SNTB2: variants seen among roughly 807,000 people sequenced by gnomAD.
SNTB2 encodes the protein syntrophin beta 2.
SNTB2 carries 34 observed loss-of-function variants against 46.2 expected under a neutral mutation model. The ratio of observed to expected loss-of-function variants is 0.74; its 90% CI spans 0.56 to 0.98. The LOEUF is 0.98. SNTB2 is among the 50% of genes least tolerant of loss of function. The pLI is 0.00. For synonymous variants in SNTB2, 290 were observed against 312.6 expected (o/e 0.93, Z 0.76); for missense variants, 603 against 731.4 (o/e 0.82, Z 2.02).
chr16:69,200,213 TG>T (rs1276158317), intron 1 of SNTB2, among the ~76,000 whole-genome samples: 1 of 152,210 alleles, frequency 6.6e-6, no homozygotes, highest in East Asian at 1.9e-4. Context: ...TACTTATTTG[TG>T]TTGGCCATTG....
intron 1 of SNTB2, among the ~76,000 whole-genome samples, chr16:69,192,385 C>T (rs569061378): frequency 6.6e-6 from 1 of 152,352 alleles, no homozygotes; most frequent in South Asian, 2.1e-4. Flanking sequence ...TACAGAGAAT[C>T]TTCTGCAGTG....
intron 1 of SNTB2, among the ~76,000 whole-genome samples, chr16:69,195,544 C>T (rs765873886): frequency 1.1e-4 from 16 of 151,738 alleles, no homozygotes; most frequent in East Asian, 3.9e-4. Context: ...CTCCTGAGAC[C>T]GGGGGTGGAT....
intron 2 of SNTB2, among the ~76,000 whole-genome samples, chr16:69,247,603 G>T (rs1388129758): frequency 1.3e-5 from 2 of 152,082 alleles, no homozygotes; most frequent in African/African-American, 4.8e-5. Context: ...AATGAACTGA[G>T]CTCTGCAGTC....
rs959771119 is a variant in SNTB2, at chr16:69,277,734, G to A, written c.1149-6314G>A. 8.5e-5 allele frequency among the ~76,000 whole-genome samples: 13 copies of A among 152,276 alleles called. No homozygotes were observed. In the East Asian group the frequency reaches 1.9e-3, roughly 23 times the overall value. On this transcript the variant is annotated intron_variant, in intron 4 of 6. Coordinates refer to ENST00000336278, the MANE Select transcript of SNTB2 (RefSeq NM_006750.4). ...AGCTATTTTTAAGCTAGACATTAAA[G>A]AGATTTTATTTATTTCTCTTTGATG...
At chr16:69,255,112 T>A (rs1361756082) in intron 2 of SNTB2, among the ~76,000 whole-genome samples, 1 of 152,084 alleles carries the variant, frequency 6.6e-6, no homozygotes, top group African/African-American at 2.4e-5. Flanking sequence ...TTATTTATTT[T>A]TTAGAGACAG....
chr16:69,300,697 G>A (rs144888943), intron 6 of SNTB2, 135 bp from the exon 7 acceptor site: 297 of 637,140 alleles, frequency 4.7e-4, no homozygotes, highest in African/African-American at 4.6e-3. Context: ...ACTTTTGCCT[G>A]TGGCTTTAAG....
At chr16:69,219,210 T>A (rs868742137) in intron 1 of SNTB2, among the ~76,000 whole-genome samples, 1 of 152,302 alleles carries the variant, frequency 6.6e-6, no homozygotes, top group South Asian at 2.1e-4. Flanking sequence ...TAGCCATAAA[T>A]ACCATATTAT....
intron 4 of SNTB2, among the ~76,000 whole-genome samples, chr16:69,276,774 A>G (rs1244628139): frequency 1.3e-5 from 2 of 152,150 alleles, no homozygotes; most frequent in African/African-American, 4.8e-5. Context: ...GAGGATGTGT[A>G]AAATTGCTGG....
At chr16:69,187,778 C>A in intron 1 of SNTB2, 32 bp downstream of exon 1, 1 of 1,324,278 alleles carries the variant, frequency 7.6e-7, no homozygotes, top group Non-Finnish European at 9.8e-7. Flanking sequence ...GGTGGGCAGG[C>A]CGCGGCGGCC....
chr16:69,226,108 G>T (rs980156405), intron 1 of SNTB2, among the ~76,000 whole-genome samples: 1 of 152,000 alleles, frequency 6.6e-6, no homozygotes, highest in African/African-American at 2.4e-5. Context: ...GTCTCACTCT[G>T]TTGCCCAGGC....
Position 69,302,515 on chromosome 16 carries a change from C to T in SNTB2, c.*1591C>T, listed in dbSNP as rs1253305820. 2.0e-5 allele frequency: 3 copies of T among 152,076 alleles called. No homozygotes were observed. Among genetic ancestry groups the T allele is most frequent in the African/African-American group, 4.8e-5 (2 of 41,358 alleles). 9.4% of individuals were successfully genotyped at this position (152,076 alleles called of 1,614,324 possible). On this transcript the variant is annotated 3_prime_UTR_variant, in exon 7 of 7. Coordinates refer to ENST00000336278, the MANE Select transcript of SNTB2 (RefSeq NM_006750.4). ...GGTGTCACTTCAGATGGGGCAGGCA[C>T]AGGGGGAGAAAAGAAGAGAAAAACA... is the stretch of plus-strand genomic sequence containing the variant.
At chr16:69,245,554 AT>A in intron 1 of SNTB2, 47 bp from the exon 2 acceptor site, 2 of 1,556,906 alleles carry the variant, frequency 1.3e-6, no homozygotes, top group Non-Finnish European at 1.8e-6. Context: ...ATCATTTATT[AT>A]AGGAAGCAAA....
intron 1 of SNTB2, among the ~76,000 whole-genome samples, chr16:69,231,816 C>A (rs79998764): frequency 0.023 from 3,510 of 152,128 alleles, 137 homozygotes; most frequent in African/African-American, 0.08. Flanking sequence ...TTCAAAATGC[C>A]AACTCAAGAT....
At chr16:69,278,345 A>G (rs995549741) in intron 4 of SNTB2, among the ~76,000 whole-genome samples, 5 of 152,116 alleles carry the variant, frequency 3.3e-5, no homozygotes, top group African/African-American at 1.2e-4. Flanking sequence ...AAGAAAATAT[A>G]AAAAGTGAAT....
intron 1 of SNTB2, among the ~76,000 whole-genome samples, chr16:69,211,242 T>C (rs1479340768): frequency 6.6e-6 from 1 of 152,156 alleles, no homozygotes; most frequent in Non-Finnish European, 1.5e-5. Context: ...TGGGACACTT[T>C]GGAGAGAAAC....
intron 6 of SNTB2, among the ~76,000 whole-genome samples, chr16:69,300,264 T>G (rs758203574): frequency 2.0e-5 from 3 of 151,672 alleles, no homozygotes; most frequent in Non-Finnish European, 4.4e-5. Context: ...TTTTTTTTCT[T>G]TTTTGAGACG....
intron 1 of SNTB2, among the ~76,000 whole-genome samples, chr16:69,244,652 C>G (rs1157892866): frequency 6.6e-6 from 1 of 152,136 alleles, no homozygotes; most frequent in Non-Finnish European, 1.5e-5. Flanking sequence ...CTACTAAAAG[C>G]TTGATTTTCA....
chr16:69,254,031 G>A (rs948199820), intron 2 of SNTB2, among the ~76,000 whole-genome samples: 19 of 152,072 alleles, frequency 1.2e-4, no homozygotes, highest in Non-Finnish European at 2.2e-4. Context: ...TGAACTTTTA[G>A]CATGTGCTTA....
chr16:69,291,194 G>A (rs946784157), intron 5 of SNTB2, among the ~76,000 whole-genome samples: 1 of 152,064 alleles, frequency 6.6e-6, no homozygotes, highest in African/African-American at 2.4e-5. Flanking sequence ...GACAGTTCTG[G>A]GCTGTCAGGC....
Sources: allele counts gnomAD v4.1 joint callset (sites outside exome capture counted in the v4.1 genomes callset), GRCh38; gene constraint gnomAD v4.1.1; transcripts MANE v1.5; gene names NCBI Gene and HGNC (gene_info 2026-07-23, HGNC 2026-07-21).